Variants in ARFGEF1 observed in about 807,000 individuals in gnomAD.
ARFGEF1 encodes the protein brefeldin A-inhibited guanine nucleotide-exchange protein 1.
Under a neutral mutation model 231.0 loss-of-function variants are expected in ARFGEF1, and 42 were observed. The observed-to-expected ratio is 0.18, with a 90% confidence interval of 0.14 to 0.24. The LOEUF (loss-of-function observed/expected upper bound fraction) is 0.24. Ranked by LOEUF, ARFGEF1 falls within the 10% of genes least tolerant of loss-of-function variation. The pLI, the probability that ARFGEF1 is intolerant of heterozygous loss-of-function variation, is 1.00. For synonymous variants in ARFGEF1, 710 were observed against 732.3 expected (o/e 0.97, Z 0.49); for missense variants, 1,345 against 2,192.0 (o/e 0.61, Z 7.72).
At chr8:67,255,076 C>G (rs1840412157) in intron 17 of ARFGEF1, among the ~76,000 whole-genome samples, 1 of 152,188 alleles carries the variant, frequency 6.6e-6, no homozygotes, top group Non-Finnish European at 1.5e-5. Context: ...TTATGCCAAT[C>G]AGAGGCAGAG....
At chr8:67,212,769 AG>A (rs1838796024) in intron 33 of ARFGEF1, among the ~76,000 whole-genome samples, 1 of 152,242 alleles carries the variant, frequency 6.6e-6, no homozygotes, top group Non-Finnish European at 1.5e-5. Context: ...GTGTATTTTA[AG>A]GAAGAAATTA....
At chr8:67,291,739 G>T in intron 6 of ARFGEF1, 108 bp downstream of exon 6, 1 of 1,406,440 alleles carries the variant, frequency 7.1e-7, no homozygotes, top group East Asian at 2.3e-5. Context: ...CAATGTGTCT[G>T]ACACACTTAT....
At position 67,266,197 on chromosome 8, in the gene ARFGEF1, T is replaced by G. The variant is rs771132598; in HGVS notation, c.1932A>C (p.Lys644Asn). 9 of 1,612,822 alleles carry G rather than the reference T, an allele frequency of 5.6e-6. No homozygotes were observed. Among genetic ancestry groups the G allele is most frequent in the Non-Finnish European group, 6.8e-6 (8 of 1,179,460 alleles). Residue 644 changes from lysine (K) to asparagine (N), a missense_variant, in exon 14 of 39, where the codon AAA (lysine) becomes AAC (asparagine). Around this residue, in one of 14 missense-constraint regions of ARFGEF1, gnomAD observed 105 missense variants for 159.3 expected, o/e 0.66. Coordinates refer to ENST00000262215, the MANE Select transcript of ARFGEF1 (RefSeq NM_006421.5). The stretch of plus-strand genomic sequence containing the variant: ...TTTCACTCATCTCTTGCTCTGAGGG[T>G]TTTTCCTGACCTGAAAGAAGAAAAA... ...PNSQTTLGQE[K>N]PSEQEMSEIK...
chr8:67,228,264 T>C lies in ARFGEF1; in HGVS notation c.3381A>G (p.Arg1127=), dbSNP rs768659022. 1.2e-6 allele frequency: 2 copies of C among 1,606,618 alleles called. No homozygotes were observed. The highest frequency in any genetic ancestry group is 4.5e-5 in the East Asian group (2 of 44,716). ...CTAGCCTTGTAGATCCTGTGAATAT[T>C]CTAGGGAAAATAAAACACAATTTAA... ...SSQSVVVAVD[R]IFTGSTRLDG... is the part of the protein sequence containing the mutation. Residue 1127 remains arginine (R), a splice_region_variant and synonymous_variant, in exon 24 of 39, where the codon AGA becomes AGG. Coordinates refer to ENST00000262215, the MANE Select transcript of ARFGEF1 (RefSeq NM_006421.5).
Position 67,265,891 on chromosome 8 carries a change from C to T in ARFGEF1, c.2123+115G>A, listed in dbSNP as rs2128893571. ...TGAATAGGAGCCTCGTGAATTAGAT[C>T]CATGAGAACTATCCTCCATTTTACT... On this transcript the variant is annotated intron_variant, in intron 14 of 38. Transcript: ENST00000262215. 8.8e-6 allele frequency: 8 copies of T among 911,624 alleles called. No homozygotes were observed. The East Asian group carries it at 1.6e-4, about 18-fold the overall frequency. The allele number at this position is 911,624 out of a possible 1,614,324, so 56.5% of individuals were successfully genotyped here.
intron 14 of ARFGEF1, 107 bp from the exon 15 acceptor site, chr8:67,260,033 T>C: frequency 1.6e-6 from 1 of 629,656 alleles, no homozygotes; most frequent in South Asian, 2.1e-5. Flanking sequence ...AATAGTAGCT[T>C]ATTTAATACA....
intron 1 of ARFGEF1, among the ~76,000 whole-genome samples, chr8:67,314,907 G>A (rs1216890655): frequency 6.6e-6 from 1 of 152,086 alleles, no homozygotes; most frequent in East Asian, 1.9e-4. Context: ...GGGCATGGTG[G>A]CATGTGCCTG....
In ARFGEF1 at chr8:67,247,818, C is replaced by T. The variant is rs373762249; in HGVS notation, c.2850+3481G>A. Among the ~76,000 whole-genome samples the T allele has an allele frequency of 2.2e-4, 33 of 150,504 alleles. 1 individual carries two copies. The highest frequency in any genetic ancestry group is 9.7e-4 in the East Asian group (5 of 5,180). ...GATCTTATATTTGGAAAAGCCTGAA[C>T]GCTCTACCAAAGAACTATTAGAACT... On this transcript the variant is annotated intron_variant, in intron 19 of 38. Transcript: ENST00000262215.
At chr8:67,191,926 T>C (rs1836363313) in intron 5 of ARFGEF1, among the ~76,000 whole-genome samples, 1 of 152,220 alleles carries the variant, frequency 6.6e-6, no homozygotes, top group Admixed American at 6.5e-5. Flanking sequence ...CTTTTGATTT[T>C]AGCCATCTAT....
chr8:67,222,401 G>A (rs1839228451), intron 29 of ARFGEF1, among the ~76,000 whole-genome samples: 2 of 151,006 alleles, frequency 1.3e-5, no homozygotes, highest in Admixed American at 1.3e-4. Context: ...AAGTAGCTGG[G>A]ATTACAGGTG....
downstream of ARFGEF1, chr8:67,173,862 A>C (rs1830987325): frequency 6.6e-6 from 1 of 152,180 alleles, no homozygotes; most frequent in South Asian, 2.1e-4. Flanking sequence ...ATAAACTAAG[A>C]CATTATTTGT....
intron 19 of ARFGEF1, among the ~76,000 whole-genome samples, chr8:67,249,824 G>T (rs560697935): frequency 3.4e-4 from 52 of 152,256 alleles, no homozygotes; most frequent in Non-Finnish European, 6.3e-4. Context: ...GTTTCACCTT[G>T]TTGGTCAGCC....
chr8:67,244,942 C>T (rs1208252576), intron 19 of ARFGEF1, among the ~76,000 whole-genome samples: 1 of 150,072 alleles, frequency 6.7e-6, no homozygotes, highest in East Asian at 1.9e-4. Flanking sequence ...ATTAAACTCA[C>T]AAAGGTCAAA....
At chr8:67,305,214 T>C (rs1034086654) in intron 1 of ARFGEF1, among the ~76,000 whole-genome samples, 1 of 152,204 alleles carries the variant, frequency 6.6e-6, no homozygotes, top group East Asian at 1.9e-4. Flanking sequence ...TTCCTTATAT[T>C]CTAAAACATG....
chr8:67,332,166 A>G (rs575612066), intron 1 of ARFGEF1, among the ~76,000 whole-genome samples: 7 of 152,336 alleles, frequency 4.6e-5, no homozygotes, highest in African/African-American at 1.7e-4. Flanking sequence ...CAATTACACA[A>G]TAAGTACTTT....
At chr8:67,264,799 C>G (rs1804782170) in intron 14 of ARFGEF1, among the ~76,000 whole-genome samples, 1 of 152,116 alleles carries the variant, frequency 6.6e-6, no homozygotes, top group Non-Finnish European at 1.5e-5. Flanking sequence ...TCTCATTTCT[C>G]AAGTACTTCA....
intron 29 of ARFGEF1, among the ~76,000 whole-genome samples, chr8:67,220,107 G>C (rs992917465): frequency 5.3e-5 from 8 of 152,178 alleles, no homozygotes; most frequent in Non-Finnish European, 1.0e-4. Flanking sequence ...TATATCCCAG[G>C]CACACAGCAG....
chr8:67,236,642 A>G (rs1183545055), intron 22 of ARFGEF1, among the ~76,000 whole-genome samples: 1 of 151,940 alleles, frequency 6.6e-6, no homozygotes, highest in Non-Finnish European at 1.5e-5. Flanking sequence ...TCCTTCTAGG[A>G]TGTGGATTCA....
rs998728765 is a variant in ARFGEF1 at position 67,226,065 on chromosome 8, T to A, written c.4035A>T (p.Arg1345=). ...CATATTTTGCACAATGGCGAATAAG[T>A]CGAATTGCTTCCATACTTGTGTCTG... The part of the protein sequence containing the change: ...AFPDTSMEAI[R]LIRHCAKYVS... Residue 1345 remains arginine (R), a synonymous_variant, in exon 28 of 39, where the codon CGA becomes CGT. Transcript: ENST00000262215. 8 of 1,612,914 alleles carry A rather than the reference T, an allele frequency of 5.0e-6. No homozygotes were observed. In the African/African-American group the frequency reaches 9.3e-5, roughly 19 times the overall value.
Sources: gnomAD v4.1 joint callset for allele counts (sites outside exome capture counted in the v4.1 genomes callset) on GRCh38, gnomAD v4.1.1 for gene constraint, gnomAD v4.1.1 regional missense constraint, MANE v1.5 for transcripts, NCBI Gene and HGNC (gene_info 2026-07-23, HGNC 2026-07-21) for gene names.